Variants in GPHN observed in about 807,000 individuals in gnomAD.
GPHN encodes gephyrin.
GPHN carries 17 observed loss-of-function variants against 95.5 expected under a neutral mutation model. The ratio of observed to expected loss-of-function variants is 0.18; its 90% CI spans 0.12 to 0.27. GPHN has a LOEUF of 0.27. GPHN is among the 10% of genes least tolerant of loss of function. GPHN has a pLI of 1.00. For synonymous variants in GPHN, 320 were observed against 322.5 expected (o/e 0.99, Z 0.08); for missense variants, 660 against 978.1 (o/e 0.67, Z 4.34).
the GPHN span, among the ~76,000 whole-genome samples, chr14:67,423,669 G>C: frequency 9.8e-5 from 15 of 152,324 alleles, no homozygotes; most frequent in East Asian, 2.9e-3. Context: ...GAGAGGAAAG[G>C]AAGGGTGTAG....
chr14:66,944,809 G>T (rs1447812650), intron 8 of GPHN, among the ~76,000 whole-genome samples: 1 of 152,242 alleles, frequency 6.6e-6, no homozygotes, highest in Non-Finnish European at 1.5e-5. Flanking sequence ...CCCTGGGGAG[G>T]GGAAGGCTCC....
At chr14:67,033,141 A>T (rs1161961100) in intron 10 of GPHN, among the ~76,000 whole-genome samples, 1 of 152,150 alleles carries the variant, frequency 6.6e-6, no homozygotes, top group Non-Finnish European at 1.5e-5. Flanking sequence ...GAATTGAAAA[A>T]CTCACTAGAG....
At chr14:66,738,536 G>A (rs1290551741) in intron 2 of GPHN, among the ~76,000 whole-genome samples, 2 of 152,020 alleles carry the variant, frequency 1.3e-5, no homozygotes, top group Non-Finnish European at 2.9e-5. Flanking sequence ...TATGGCGTGT[G>A]TCTTGCTTTG....
rs201710494 is a variant in GPHN, at chr14:66,935,736, TTA to T, written c.828+11446_828+11447del. Among the ~76,000 whole-genome samples, 14 of 151,994 alleles carry T rather than the reference TTA, an allele frequency of 9.2e-5. No individual in the cohort carries two copies. In the East Asian group the frequency reaches 2.7e-3, roughly 29 times the overall value. ...TGTTTATGTGCACGTATACATGTGTTTATGTATACATATATATTAAAACTATA... is the reference window on the plus strand; with the variant it reads ...TGTTTATGTGCACGTATACATGTGTTTGTATACATATATATTAAAACTATA... On this transcript the variant is annotated intron_variant, in intron 8 of 22. Transcript: ENST00000478722.
chr14:67,498,555 T>C, the GPHN span, among the ~76,000 whole-genome samples: 3 of 152,232 alleles, frequency 2.0e-5, no homozygotes, highest in Admixed American at 6.5e-5. Context: ...TTTCAGATAA[T>C]GTGCCCTAAA....
intron 1 of GPHN, among the ~76,000 whole-genome samples, chr14:66,585,728 G>A (rs1325571591): frequency 6.6e-6 from 1 of 152,104 alleles, no homozygotes; most frequent in African/African-American, 2.4e-5. Flanking sequence ...CTGAGTTCTA[G>A]TTTGATTGCA....
chr14:67,692,607 T>C, the GPHN span: 8 of 1,541,708 alleles, frequency 5.2e-6, no homozygotes, highest in Non-Finnish European at 7.0e-6. Context: ...TCAGCCAACA[T>C]ATGAAAGAGA....
At chr14:67,124,606 A>G (rs1173838147) in intron 17 of GPHN, among the ~76,000 whole-genome samples, 1 of 152,210 alleles carries the variant, frequency 6.6e-6, no homozygotes, top group Admixed American at 6.5e-5. Flanking sequence ...GTTTGAAAAC[A>G]CAAAGATAAG....
intron 2 of GPHN, among the ~76,000 whole-genome samples, chr14:66,757,478 C>G (rs950153438): frequency 6.6e-6 from 1 of 152,200 alleles, no homozygotes; most frequent in Non-Finnish European, 1.5e-5. Flanking sequence ...CAGCCTCCAC[C>G]TCCTGGGTTC....
the GPHN span, among the ~76,000 whole-genome samples, chr14:67,480,668 C>A: frequency 1.3e-5 from 2 of 152,166 alleles, no homozygotes; most frequent in African/African-American, 4.8e-5. Context: ...GCACGTATCC[C>A]CCTGGCTCTT....
At chr14:66,781,983 A>T (rs1298110184) in intron 3 of GPHN, among the ~76,000 whole-genome samples, 1 of 152,132 alleles carries the variant, frequency 6.6e-6, no homozygotes, top group Non-Finnish European at 1.5e-5. Context: ...TTACACTACC[A>T]TCTTGAATGC....
chr14:66,561,288 A>G (rs2060229633), intron 1 of GPHN, among the ~76,000 whole-genome samples: 1 of 151,890 alleles, frequency 6.6e-6, no homozygotes, highest in Admixed American at 6.6e-5. Context: ...CTCTTTTTCT[A>G]TTGATTGGAA....
chr14:66,573,227 T>A (rs1481381565), intron 1 of GPHN, among the ~76,000 whole-genome samples: 1 of 152,216 alleles, frequency 6.6e-6, no homozygotes, highest in Non-Finnish European at 1.5e-5. Flanking sequence ...TCCATAGTGC[T>A]GTTTGATTCT....
At chr14:67,139,722 G>C (rs2080335572) in intron 17 of GPHN, among the ~76,000 whole-genome samples, 1 of 152,122 alleles carries the variant, frequency 6.6e-6, no homozygotes, top group Non-Finnish European at 1.5e-5. Context: ...TCATATGTTG[G>C]TACCTGTCTC....
At chr14:67,138,442 G>T (rs2153701924) in intron 17 of GPHN, among the ~76,000 whole-genome samples, 1 of 152,150 alleles carries the variant, frequency 6.6e-6, no homozygotes, top group African/African-American at 2.4e-5. Flanking sequence ...ATCATGAACT[G>T]TTTTCTCTCT....
chr14:67,285,533 A>AT, the GPHN span, among the ~76,000 whole-genome samples: 1 of 151,674 alleles, frequency 6.6e-6, no homozygotes, highest in Admixed American at 6.6e-5. Context: ...CCCCTGGCTA[A>AT]TTTTTTTGTA....
chr14:67,228,998 G>A, the GPHN span, among the ~76,000 whole-genome samples: 1 of 152,200 alleles, frequency 6.6e-6, no homozygotes, highest in Non-Finnish European at 1.5e-5. Context: ...TTTTCTAAAT[G>A]CTGCCAGTCA....
intron 4 of GPHN, 52 bp from the exon 5 acceptor site, chr14:66,879,887 C>T: frequency 8.8e-7 from 1 of 1,134,906 alleles, no homozygotes; most frequent in Non-Finnish European, 1.3e-6. Context: ...AGTCTGACTT[C>T]ATTCTTTTTT....
chr14:67,074,997 T>C (rs2076441948), intron 11 of GPHN, among the ~76,000 whole-genome samples: 1 of 152,192 alleles, frequency 6.6e-6, no homozygotes, highest in South Asian at 2.1e-4. Context: ...GTGACTATGC[T>C]AAGCAACAGG....
Sources: gnomAD v4.1 joint callset for allele counts (sites outside exome capture counted in the v4.1 genomes callset) on GRCh38, gnomAD v4.1.1 for gene constraint, MANE v1.5 for transcripts, NCBI Gene and HGNC (gene_info 2026-07-23, HGNC 2026-07-21) for gene names.